The following TANC2 variants were observed in gnomAD, a reference collection of about 807,000 sequenced individuals.
TANC2 encodes tetratricopeptide repeat, ankyrin repeat and coiled-coil containing 2, also known as protein TANC2.
A neutral mutation model predicts 210.5 loss-of-function variants in TANC2; 26 were observed. The observed-to-expected ratio is 0.12, with a 90% CI of 0.09 to 0.17. TANC2 has a LOEUF of 0.17. TANC2 is among the 10% of genes least tolerant of loss of function. TANC2 has a pLI of 1.00. For synonymous variants in TANC2, 931 were observed against 967.1 expected (o/e 0.96, Z 0.69); for missense variants, 2,129 against 2,608.9 (o/e 0.82, Z 4.01).
intron 13 of TANC2, among the ~76,000 whole-genome samples, chr17:63,353,510 T>C (rs775988251): frequency 1.4e-4 from 21 of 152,018 alleles, no homozygotes; most frequent in South Asian, 2.1e-4. Flanking sequence ...TAGACAGATA[T>C]AAGATGGGAC....
intron 4 of TANC2, among the ~76,000 whole-genome samples, chr17:63,103,677 G>A (rs561716496): frequency 3.3e-5 from 5 of 152,220 alleles, no homozygotes; most frequent in Middle Eastern, 3.4e-3. Flanking sequence ...AGTGTTAGCC[G>A]TTATTGTTAA....
chr17:63,284,917 A>C (rs2044174582), intron 9 of TANC2, among the ~76,000 whole-genome samples: 1 of 151,974 alleles, frequency 6.6e-6, no homozygotes, highest in Admixed American at 6.6e-5. Flanking sequence ...TTGTTATTAG[A>C]GCGTGTATTT....
chr17:63,312,260 A>T lies in TANC2; in HGVS notation c.1160-2128A>T, dbSNP rs116455553. ...TTTGTTCTACCAAAAAGACATATGC[A>T]TGCGTATGTTCATTAAAATACTAGT... is the stretch of plus-strand genomic sequence containing the variant. On this transcript the variant is annotated intron_variant, in intron 9 of 27. Transcript: ENST00000689528. Among the ~76,000 whole-genome samples, 659 of 152,342 alleles carry T rather than the reference A, an allele frequency of 4.3e-3. 6 individuals carry two copies. The highest frequency in any genetic ancestry group is 0.014 in the African/African-American group (575 of 41,584).
intron 1 of TANC2, among the ~76,000 whole-genome samples, chr17:62,985,697 A>G (rs913122910): frequency 3.8e-4 from 58 of 152,094 alleles, no homozygotes; most frequent in African/African-American, 1.3e-3. Context: ...TTCTTCATCC[A>G]TAGAATTTGT....
At chr17:63,274,982 A>G (rs1473127491) in intron 9 of TANC2, among the ~76,000 whole-genome samples, 10 of 152,162 alleles carry the variant, frequency 6.6e-5, no homozygotes, top group Admixed American at 3.9e-4. Flanking sequence ...GCCTATTACA[A>G]GGAAGGAAGA....
At chr17:63,223,894 T>C (rs1052720598) in intron 7 of TANC2, among the ~76,000 whole-genome samples, 15 of 152,140 alleles carry the variant, frequency 9.9e-5, no homozygotes, top group African/African-American at 2.2e-4. Flanking sequence ...CTTTATGTTA[T>C]GTGTATTTTA....
chr17:62,974,800 G>A (rs2031908067), intron 1 of TANC2, among the ~76,000 whole-genome samples: 1 of 152,194 alleles, frequency 6.6e-6, no homozygotes, highest in Admixed American at 6.5e-5. Context: ...ATGTGGCAAA[G>A]TGTTATGAAA....
At chr17:63,200,993 TTTTTTCCTTTTTAAAATAATTACACAAGC>T (rs1567809784) in intron 7 of TANC2, 36 bp downstream of exon 7, 1 of 1,549,952 alleles carries the variant, frequency 6.5e-7, no homozygotes, top group Non-Finnish European at 8.7e-7. Flanking sequence ...TTTGTGTCCT[TTTTTTCCTTTTTAAAATAATTACACAAGC>T]TTAAGGTTTT....
At chr17:63,143,086 A>T (rs2039344211) in intron 4 of TANC2, among the ~76,000 whole-genome samples, 1 of 152,184 alleles carries the variant, frequency 6.6e-6, no homozygotes, top group Non-Finnish European at 1.5e-5. Flanking sequence ...GCATTCATTG[A>T]ATTGAAGGGA....
At chr17:63,426,193 C>CT (rs1163989763) in exon 28 of TANC2, 4 of 152,350 alleles carry the variant, frequency 2.6e-5, no homozygotes, top group Admixed American at 6.5e-5. Context: ...TGCGGTCCTG[C>CT]TGCTCGCTCA....
intron 12 of TANC2, among the ~76,000 whole-genome samples, chr17:63,343,792 A>G (rs1201177949): frequency 6.6e-6 from 1 of 152,178 alleles, no homozygotes; most frequent in African/African-American, 2.4e-5. Context: ...GCTACTCAGG[A>G]GGCTGAGGCA....
chr17:63,354,181 A>G (rs1308196426), intron 13 of TANC2, among the ~76,000 whole-genome samples: 1 of 152,126 alleles, frequency 6.6e-6, no homozygotes, highest in Non-Finnish European at 1.5e-5. Flanking sequence ...AAGCCATATC[A>G]CCTTCCCCCA....
chr17:63,081,723 C>T (rs997711187), intron 3 of TANC2, among the ~76,000 whole-genome samples: 1 of 152,162 alleles, frequency 6.6e-6, no homozygotes, highest in Non-Finnish European at 1.5e-5. Flanking sequence ...TCTTGGAATA[C>T]GTAGCCCCAA....
At chr17:63,249,934 G>C (rs1191851745) in intron 8 of TANC2, among the ~76,000 whole-genome samples, 5 of 152,102 alleles carry the variant, frequency 3.3e-5, no homozygotes, top group African/African-American at 1.2e-4. Context: ...ACTCAGTATA[G>C]AGTTATCTCT....
chr17:63,238,085 T>C lies in TANC2; in HGVS notation c.1033+8T>C, dbSNP rs1385133418. 9.8e-6 allele frequency: 15 copies of C among 1,527,872 alleles called. No individual in the cohort carries two copies. The highest frequency in any genetic ancestry group is 1.3e-5 in the Non-Finnish European group (15 of 1,137,196). 94.6% of individuals were successfully genotyped at this position (1,527,872 alleles called of 1,614,324 possible). On this transcript the variant is annotated splice_region_variant and intron_variant, in intron 8 of 27. Transcript: ENST00000689528. The stretch of plus-strand genomic sequence containing the variant: ...GGCCAAATTCAGTAGCAGGTAAGTT[T>C]TTGTTGTTGTTGTTGTTGTTGCTGT...
intron 4 of TANC2, among the ~76,000 whole-genome samples, chr17:63,107,132 A>G (rs193260491): frequency 6.6e-6 from 1 of 151,800 alleles, no homozygotes; most frequent in Admixed American, 6.5e-5. Context: ...TGGAAGAAAA[A>G]CAATAAGAAA....
At chr17:63,004,204 C>T (rs899577871) in intron 1 of TANC2, among the ~76,000 whole-genome samples, 1 of 152,156 alleles carries the variant, frequency 6.6e-6, no homozygotes. Flanking sequence ...TCTGAAGATC[C>T]TCAACTGCTG....
rs1187917126 is a variant in TANC2, at chr17:63,420,728, C to G, written c.4998C>G (p.Ser1666=). The G allele has an allele frequency of 6.2e-7, 1 of 1,613,976 alleles. No individual in the cohort carries two copies. The highest frequency in any genetic ancestry group is 8.5e-7 in the Non-Finnish European group (1 of 1,179,884). Residue 1666 remains serine, a synonymous_variant, in exon 28 of 28, where the codon TCC becomes TCG. Transcript: ENST00000689528. This position sits in a 1 kb window ranked among gnomAD's most constrained non-coding sequence, Gnocchi z 4.2. ...CTGGCAGACCCAAATCTCCATTATC[C>G]AAAATGGCCCAGCGGCCCTACCAGA... is the stretch of plus-strand genomic sequence containing the variant.
intron 1 of TANC2, among the ~76,000 whole-genome samples, chr17:63,003,627 T>C (rs1456715931): frequency 6.6e-6 from 1 of 152,226 alleles, no homozygotes; most frequent in Non-Finnish European, 1.5e-5. Flanking sequence ...GTAATATTTT[T>C]AGACTGCAGG....
Sources: allele counts gnomAD v4.1 joint callset (sites outside exome capture counted in the v4.1 genomes callset), GRCh38; gene constraint gnomAD v4.1.1; non-coding constraint Gnocchi (gnomAD v3.1); transcripts MANE v1.5; gene names NCBI Gene and HGNC (gene_info 2026-07-23, HGNC 2026-07-21).